ANK2: variants seen among roughly 807,000 people sequenced by gnomAD.
ANK2 encodes ankyrin 2, also known as ankyrin-2.
In ANK2, 83 loss-of-function variants were observed where a neutral mutation model predicts 360.5. That is an observed-to-expected ratio of 0.23 (90% CI 0.19 to 0.28). The LOEUF (loss-of-function observed/expected upper bound fraction) is 0.28, where lower values mean the gene tolerates loss of function less well. ANK2 is among the 10% of genes least tolerant of loss of function. The pLI is 1.00. For missense variants in ANK2, 4,201 were observed against 4,795.7 expected (o/e 0.88, Z 3.66); for synonymous variants, 1,740 against 1,759.5 (o/e 0.99, Z 0.28).
At chr4:112,999,462 A>G (rs1041858623) in intron 2 of ANK2, among the ~76,000 whole-genome samples, 1 of 152,172 alleles carries the variant, frequency 6.6e-6, no homozygotes, top group Non-Finnish European at 1.5e-5. Context: ...CCACGAAACT[A>G]AGCCTGCCAT....
rs1423265843 is a variant in ANK2 at position 113,097,852 on chromosome 4, G to GCA, written c.84+48040_84+48041insCA. Among the ~76,000 whole-genome samples the GCA allele has an allele frequency of 1.4e-3, 123 of 90,340 alleles. 5 individuals are homozygous for GCA. Among genetic ancestry groups the GCA allele is most frequent in the Middle Eastern group, 5.4e-3 (1 of 186 alleles). The allele number at this position is 90,340 out of a possible 152,430, so 59.3% of individuals were successfully genotyped here. A position where few individuals can be genotyped will look rare whatever the true frequency, so the allele number is the denominator to read the frequency against. ...CTCTTGTATATATATGTGTGTGTGT[G>GCA]TGTGTGTGTGTGTGTATATATATGC... On this transcript the variant is annotated intron_variant, in intron 1 of 45. Coordinates refer to ENST00000357077, the MANE Select transcript of ANK2 (RefSeq NM_001148.6).
chr4:113,356,701 C>T lies in ANK2; in HGVS notation c.8083C>T (p.Leu2695Phe), dbSNP rs1257321339. The T allele has an allele frequency of 6.2e-7, 1 of 1,614,046 alleles. No individual in the cohort carries two copies. Among genetic ancestry groups the T allele is most frequent in the Admixed American group, 1.7e-5 (1 of 60,002 alleles). ...GATTCGAGTACAACCTCCTTCTCCA[C>T]TTCCATCAAGCATGGACTCCAATTC... ...PVIRVQPPSP[L>F]PSSMDSNSSP... The change falls in exon 38 of 46, where the codon CTT becomes TTT. Residue 2695 changes from leucine to phenylalanine, a missense_variant. This residue lies in a region of ANK2 where 2,642 missense variants were observed against 2,714.5 expected (regional missense o/e 0.97). Coordinates refer to ENST00000357077, the MANE Select transcript of ANK2 (RefSeq NM_001148.6).
intron 1 of ANK2, among the ~76,000 whole-genome samples, chr4:113,065,305 A>G (rs2075167198): frequency 6.6e-6 from 1 of 152,210 alleles, no homozygotes; most frequent in African/African-American, 2.4e-5. Flanking sequence ...GAACATATAG[A>G]TATCACCTAT....
In ANK2 at chr4:113,049,663, C is replaced by T. The variant is rs1240164829; in HGVS notation, c.-66C>T. 2 of 1,587,444 alleles carry T rather than the reference C, an allele frequency of 1.3e-6. No individual in the cohort carries two copies. Among genetic ancestry groups the T allele is most frequent in the Admixed American group, 3.5e-5 (2 of 57,278 alleles). On this transcript the variant is annotated 5_prime_UTR_variant, in exon 1 of 46. Transcript: ENST00000357077. ...CTGCTTTCCTCCAGTAAGTGCATACCCGCTAGTGGTCTGTACAGGCGGCAC... is the reference window on the plus strand; with the variant it reads ...CTGCTTTCCTCCAGTAAGTGCATACTCGCTAGTGGTCTGTACAGGCGGCAC...
At chr4:112,759,381 G>A in the ANK2 span, among the ~76,000 whole-genome samples, 1 of 152,166 alleles carries the variant, frequency 6.6e-6, no homozygotes, top group Non-Finnish European at 1.5e-5. Context: ...CTGGCTTCAA[G>A]CGATCCTCCT....
intron 1 of ANK2, among the ~76,000 whole-genome samples, chr4:112,820,765 G>A (rs971498019): frequency 6.6e-6 from 1 of 151,588 alleles, no homozygotes; most frequent in Admixed American, 6.6e-5. Flanking sequence ...TTCGAGATAG[G>A]GTCTCTCTCT....
chr4:112,976,099 C>G (rs1188374525), intron 2 of ANK2, among the ~76,000 whole-genome samples: 1 of 151,832 alleles, frequency 6.6e-6, no homozygotes, highest in Non-Finnish European at 1.5e-5. Context: ...CTATGTCTTC[C>G]TTTTGTAAGC....
At chr4:112,904,455 G>A in exon 2 of ANK2, 3 of 1,429,564 alleles carry the variant, frequency 2.1e-6, no homozygotes, top group Non-Finnish European at 2.8e-6. Context: ...ATCCTTTTAG[G>A]TAAGTAATGA....
At position 113,382,238 on chromosome 4, in the gene ANK2, A is replaced by T. The variant is rs372646091; in HGVS notation, c.*767A>T. 2 of 158,740 alleles carry T rather than the reference A, an allele frequency of 1.3e-5. No homozygotes were observed. The highest frequency in any genetic ancestry group is 5.9e-5 in the Admixed American group (1 of 17,022). 9.8% of individuals were successfully genotyped at this position (158,740 alleles called of 1,614,324 possible). A position where few individuals can be genotyped will look rare whatever the true frequency, so the allele number is the denominator to read the frequency against. On this transcript the variant is annotated 3_prime_UTR_variant, in exon 46 of 46. Transcript: ENST00000357077. ...AACTTCCAGAGTAGCCACTGCTCCC[A>T]GTTAAAGGTGGGTCAGTAGCCTTGC...
chr4:112,806,280 C>T, the ANK2 span, among the ~76,000 whole-genome samples: 115 of 152,258 alleles, frequency 7.6e-4, no homozygotes, highest in African/African-American at 2.7e-3. Context: ...TTACCTCCCA[C>T]GTATGAATGA....
At chr4:112,725,285 A>AC in the ANK2 span, among the ~76,000 whole-genome samples, 3 of 139,694 alleles carry the variant, frequency 2.1e-5, no homozygotes, top group African/African-American at 5.4e-5. Flanking sequence ...CTGTCTCCAG[A>AC]CAAAAAAAAA....
intron 2 of ANK2, among the ~76,000 whole-genome samples, chr4:112,916,639 G>A (rs2089927203): frequency 6.6e-6 from 1 of 152,124 alleles, no homozygotes; most frequent in African/African-American, 2.4e-5. Context: ...CTTAATGGCT[G>A]GGATTGAGTC....
chr4:113,140,253 C>T (rs945667062), intron 1 of ANK2, among the ~76,000 whole-genome samples: 4 of 152,082 alleles, frequency 2.6e-5, no homozygotes, highest in East Asian at 1.9e-4. Context: ...ATGTCGGCAT[C>T]GAGAATTCTG....
At chr4:112,778,329 G>A in the ANK2 span, among the ~76,000 whole-genome samples, 3 of 151,376 alleles carry the variant, frequency 2.0e-5, no homozygotes, top group Non-Finnish European at 4.4e-5. Flanking sequence ...CCACCACCAC[G>A]CCTGGCCAAT....
chr4:113,247,396 A>G (rs901983281), intron 9 of ANK2, among the ~76,000 whole-genome samples: 1 of 152,192 alleles, frequency 6.6e-6, no homozygotes, highest in East Asian at 1.9e-4. Context: ...CACACATCTT[A>G]TAAGCACAGA....
intron 36 of ANK2, among the ~76,000 whole-genome samples, chr4:113,348,836 T>C (rs2095176384): frequency 6.6e-6 from 1 of 152,122 alleles, no homozygotes; most frequent in African/African-American, 2.4e-5. Flanking sequence ...CAGCCTTCAT[T>C]TGTAATATGG....
chr4:113,202,211 C>T (rs1350885342), intron 4 of ANK2, among the ~76,000 whole-genome samples: 2 of 151,372 alleles, frequency 1.3e-5, no homozygotes, highest in East Asian at 3.9e-4. Flanking sequence ...ATTATTTTAC[C>T]CCCTGTGTGT....
intron 4 of ANK2, among the ~76,000 whole-genome samples, chr4:113,206,017 A>C (rs762521255): frequency 6.6e-5 from 10 of 152,114 alleles, no homozygotes; most frequent in Non-Finnish European, 1.0e-4. Flanking sequence ...AGATTTTTTT[A>C]AACAGGTTTT....
chr4:113,178,158 T>A (rs926322583), intron 2 of ANK2, among the ~76,000 whole-genome samples: 4 of 152,140 alleles, frequency 2.6e-5, no homozygotes, highest in Admixed American at 6.6e-5. Context: ...AGTGGGAGGC[T>A]GAGGCAGGAG....
Sources: allele counts gnomAD v4.1 joint callset (sites outside exome capture counted in the v4.1 genomes callset), GRCh38; gene constraint gnomAD v4.1.1; regional missense constraint gnomAD v4.1.1; transcripts MANE v1.5; gene names NCBI Gene and HGNC (gene_info 2026-07-23, HGNC 2026-07-21).